Variants in TP53BP1 observed in about 807,000 individuals in gnomAD.
TP53BP1 encodes tumor protein p53 binding protein 1.
A neutral mutation model predicts 200.8 loss-of-function variants in TP53BP1; 61 were observed. That is an observed-to-expected ratio of 0.30 (90% CI 0.25 to 0.38). The LOEUF (loss-of-function observed/expected upper bound fraction) is 0.38, where lower values mean the gene tolerates loss of function less well. Ranked by LOEUF, TP53BP1 falls within the 10% of genes least tolerant of loss-of-function variation. TP53BP1 has a pLI of 1.00. For synonymous variants in TP53BP1, 822 were observed against 844.3 expected (o/e 0.97, Z 0.46); for missense variants, 2,144 against 2,371.9 (o/e 0.90, Z 2.00).
At chr15:43,421,623 A>G (rs1050508970) in intron 19 of TP53BP1, 2 of 604,486 alleles carry the variant, frequency 3.3e-6, no homozygotes, top group Non-Finnish European at 5.7e-6. Flanking sequence ...CTCCCCTGTT[A>G]CCTACATTTT....
chr15:43,432,724 T>C, intron 16 of TP53BP1, 47 bp from the exon 17 acceptor site: 2 of 1,546,262 alleles, frequency 1.3e-6, no homozygotes, highest in Non-Finnish European at 1.7e-6. Flanking sequence ...AGCAAGTGTA[T>C]GTGTGAACGT....
intron 4 of TP53BP1, among the ~76,000 whole-genome samples, chr15:43,486,656 C>T (rs756040994): frequency 5.3e-5 from 8 of 152,134 alleles, no homozygotes; most frequent in Non-Finnish European, 1.0e-4. Flanking sequence ...CAGGGTCTCA[C>T]TCTGCCACCC....
In TP53BP1 at chr15:43,416,262, T is replaced by C; in HGVS notation, c.4836A>G (p.Ala1612=). The C allele has an allele frequency of 6.2e-7, 1 of 1,614,144 alleles. No individual in the cohort carries two copies. Residue 1612 remains alanine, a synonymous_variant, in exon 22 of 28, where the codon GCA becomes GCG. Coordinates refer to ENST00000382044, the MANE Select transcript of TP53BP1 (RefSeq NM_001141980.3). ...REQYGLGPYE[A]VTPLTKAADI... is the part of the protein sequence containing the mutation. ...CTGCTGCCTTTGTAAGAGGTGTTAC[T>C]GCTTCATAGGGGCCAAGCCCATACT... is the stretch of plus-strand genomic sequence containing the variant.
chr15:43,407,819 T>C (rs1294070842), intron 27 of TP53BP1, 124 bp downstream of exon 27: 1 of 1,059,300 alleles, frequency 9.4e-7, no homozygotes, highest in Non-Finnish European at 1.4e-6. Context: ...GGTGGTACTT[T>C]TCTTCTCTAA....
At chr15:43,472,770 C>T (rs1249347679) in intron 10 of TP53BP1, among the ~76,000 whole-genome samples, 1 of 152,130 alleles carries the variant, frequency 6.6e-6, no homozygotes, top group East Asian at 1.9e-4. Flanking sequence ...AAAAATTTTT[C>T]CTTCAGAGCC....
At chr15:43,486,539 A>G (rs896459482) in intron 4 of TP53BP1, among the ~76,000 whole-genome samples, 5 of 152,154 alleles carry the variant, frequency 3.3e-5, no homozygotes, top group Non-Finnish European at 5.9e-5. Context: ...AAAACCATAA[A>G]CAGTTAAAGA....
chr15:43,446,569 C>A lies in TP53BP1; in HGVS notation c.2858G>T (p.Ser953Ile). ...TPIGISNYPE[S>I]TIATSDVMSE... ...CATGACATCACTGGTTGCTATGGTG[C>A]TTTCTGGATAGTTGCTAATACCTGA... The change falls in exon 14 of 28, where the codon AGC (serine) becomes ATC (isoleucine). Residue 953 changes from serine to isoleucine, a missense_variant. Ser to Ile is a moderately radical substitution (Grantham distance 142). Transcript: ENST00000382044. The A allele has an allele frequency of 6.2e-7, 1 of 1,613,934 alleles. No homozygotes were observed. Among genetic ancestry groups the A allele is most frequent in the Non-Finnish European group, 8.5e-7 (1 of 1,179,900 alleles).
chr15:43,455,734 G>C (rs1035629599), intron 12 of TP53BP1, among the ~76,000 whole-genome samples, 158 bp downstream of exon 12: 1 of 149,266 alleles, frequency 6.7e-6, no homozygotes, highest in Non-Finnish European at 1.5e-5. Flanking sequence ...AAAAAAAAAA[G>C]GCAATCCAAA....
rs759636662 is a variant in TP53BP1, at chr15:43,492,383, C to A, written c.93G>T (p.Gln31His). 1.7e-5 allele frequency: 28 copies of A among 1,614,122 alleles called. No individual in the cohort carries two copies. Among genetic ancestry groups the A allele is most frequent in the Non-Finnish European group, 2.4e-5 (28 of 1,179,980 alleles). Residue 31 changes from glutamine to histidine, a missense_variant, in exon 2 of 28, where the codon CAG becomes CAT. Physicochemically the swap from Gln to His is conservative, Grantham distance 24. Transcript: ENST00000382044. ...CATCCTCTAGAACCTGGCTTTCAGGCTGAGAATCTTCAATTATCAGGCAAG... is the reference window on the plus strand; with the variant it reads ...CATCCTCTAGAACCTGGCTTTCAGGATGAGAATCTTCAATTATCAGGCAAG... ...DTPCLIIEDSQPESQVLEDDS... is the reference protein window; with the variant it reads ...DTPCLIIEDSHPESQVLEDDS...
chr15:43,509,365 TTCCTGTA>T (rs2079258222), intron 1 of TP53BP1, among the ~76,000 whole-genome samples: 1 of 152,212 alleles, frequency 6.6e-6, no homozygotes, highest in African/African-American at 2.4e-5. Context: ...ACTGGCTGTT[TTCCTGTA>T]ACACATGCTC....
intron 2 of TP53BP1, 72 bp from the exon 3 acceptor site, chr15:43,492,167 C>A: frequency 6.7e-7 from 1 of 1,500,784 alleles, no homozygotes; most frequent in Admixed American, 1.8e-5. Flanking sequence ...TATTTGTGAA[C>A]AATTTTTCCA....
intron 11 of TP53BP1, 37 bp downstream of exon 11, chr15:43,469,821 A>T (rs1390396569): frequency 1.3e-6 from 2 of 1,539,594 alleles, no homozygotes; most frequent in Non-Finnish European, 1.8e-6. Flanking sequence ...CTTTAAAAAA[A>T]TATGTTAGGA....
intron 10 of TP53BP1, 77 bp downstream of exon 10, chr15:43,474,596 G>A (rs2046810595): frequency 5.3e-6 from 5 of 937,130 alleles, no homozygotes; most frequent in East Asian, 2.4e-5. Context: ...GTACAAAGAA[G>A]TAGTACATTT....
At chr15:43,469,747 C>A in intron 11 of TP53BP1, 111 bp downstream of exon 11, 1 of 941,680 alleles carries the variant, frequency 1.1e-6, no homozygotes, top group South Asian at 1.7e-5. Flanking sequence ...ACTAAAATAT[C>A]ACAAAATTAT....
chr15:43,458,849 C>G (rs1208904928), intron 11 of TP53BP1, among the ~76,000 whole-genome samples: 1 of 151,886 alleles, frequency 6.6e-6, no homozygotes, highest in African/African-American at 2.4e-5. Context: ...ACAACTGCAA[C>G]TCTCGTACAT....
intron 12 of TP53BP1, among the ~76,000 whole-genome samples, chr15:43,449,640 C>T (rs999594122): frequency 2.0e-5 from 3 of 152,152 alleles, no homozygotes; most frequent in African/African-American, 7.2e-5. Context: ...ATTACCATAG[C>T]CTATCAATCA....
chr15:43,407,344 C>T lies in TP53BP1; in HGVS notation c.*39G>A. The T allele has an allele frequency of 1.3e-6, 2 of 1,587,446 alleles. No homozygotes were observed. Among genetic ancestry groups the T allele is most frequent in the South Asian group, 1.1e-5 (1 of 89,204 alleles). On this transcript the variant is annotated 3_prime_UTR_variant, in exon 28 of 28. Transcript: ENST00000382044. ...TAAAACCTGGTTAAAACACAATCTC[C>T]ACGATAGCAGGGAATAAAACCAGTA...
At position 43,509,215 on chromosome 15, in the gene TP53BP1, G is replaced by A. The variant is rs371701350; in HGVS notation, c.-9+1155C>T. Among the ~76,000 whole-genome samples the A allele has an allele frequency of 1.4e-3, 174 of 127,298 alleles. 2 individuals are homozygous for A. Among genetic ancestry groups the A allele is most frequent in the Non-Finnish European group, 1.8e-3 (114 of 63,054 alleles). The allele number at this position is 127,298 out of a possible 152,430, so 83.5% of individuals were successfully genotyped here. A position where few individuals can be genotyped will look rare whatever the true frequency, so the allele number is the denominator to read the frequency against. Reference sequence around the variant, plus strand: ...GGGGGGGGGGGGGCAGAGGTACAGCGGAACACCGTCTCATGTGTCATAGTC... The same window carrying A: ...GGGGGGGGGGGGGCAGAGGTACAGCAGAACACCGTCTCATGTGTCATAGTC... On this transcript the variant is annotated intron_variant, in intron 1 of 27. Transcript: ENST00000263801.
chr15:43,497,555 G>A (rs931398067), upstream of TP53BP1: 10 of 546,946 alleles, frequency 1.8e-5, no homozygotes, highest in Non-Finnish European at 2.1e-5. Context: ...AATAAAAATC[G>A]AGAGTGATAT....
Sources: gnomAD v4.1 joint callset for allele counts (sites outside exome capture counted in the v4.1 genomes callset) on GRCh38, gnomAD v4.1.1 for gene constraint, MANE v1.5 for transcripts, NCBI Gene and HGNC (gene_info 2026-07-23, HGNC 2026-07-21) for gene names.